TCP11L2: variants seen among roughly 807,000 people sequenced by gnomAD.
The protein encoded by TCP11L2 is T-complex protein 11-like protein 2.
Under a neutral mutation model 50.7 loss-of-function variants are expected in TCP11L2, and 39 were observed. That is an observed-to-expected ratio of 0.77 (90% confidence interval 0.60 to 1.01). The LOEUF (loss-of-function observed/expected upper bound fraction) is 1.01. Among genes scored for constraint, TCP11L2 ranks in the 50% least tolerant of loss-of-function variants. The pLI is 0.00. For missense variants in TCP11L2, 612 were observed against 614.7 expected (o/e 1.00, Z 0.05); for synonymous variants, 192 against 219.3 (o/e 0.88, Z 1.10).
At chr12:106,315,632 C>G (rs2035048257) in intron 3 of TCP11L2, among the ~76,000 whole-genome samples, 1 of 152,184 alleles carries the variant, frequency 6.6e-6, no homozygotes, top group South Asian at 2.1e-4. Flanking sequence ...CCTGAACTGT[C>G]AAAGTGCTAA....
chr12:106,336,121 C>A lies in TCP11L2; in HGVS notation c.1050C>A (p.Asn350Lys), dbSNP rs1475304177. ...TTGCCTGCCTGTCCCTAATTACCAACAACATGGTGGGTGCTATTACAGGAG... is the reference window on the plus strand; with the variant it reads ...TTGCCTGCCTGTCCCTAATTACCAAAAACATGGTGGGTGCTATTACAGGAG... ...KIIACLSLIT[N>K]NMVGAITGGL... Residue 350 changes from asparagine (N) to lysine (K), a missense_variant, in exon 8 of 10, where the codon AAC (asparagine) becomes AAA (lysine). By Grantham distance (94) the Asn-to-Lys change is moderately conservative. Coordinates refer to ENST00000299045, the MANE Select transcript of TCP11L2 (RefSeq NM_152772.3). The A allele has an allele frequency of 2.0e-5, 33 of 1,613,996 alleles. No individual in the cohort carries two copies. Among genetic ancestry groups the A allele is most frequent in the Non-Finnish European group, 2.7e-5 (32 of 1,180,014 alleles).
At chr12:106,311,704 C>A (rs1355869650) in intron 2 of TCP11L2, among the ~76,000 whole-genome samples, 1 of 152,078 alleles carries the variant, frequency 6.6e-6, no homozygotes, top group East Asian at 1.9e-4. Context: ...CAGGAAGGTA[C>A]CCACAAGGAG....
Position 106,312,431 on chromosome 12 carries a change from C to G in TCP11L2, c.157+1199C>G, listed in dbSNP as rs909756556. 2.5e-6 allele frequency: 3 copies of G among 1,209,824 alleles called. No individual in the cohort carries two copies. In the African/African-American group the frequency reaches 4.8e-5, roughly 19 times the overall value. The allele number at this position is 1,209,824 out of a possible 1,614,324, so 74.9% of individuals were successfully genotyped here. On this transcript the variant is annotated intron_variant, in intron 2 of 9. Transcript: ENST00000299045. The stretch of plus-strand genomic sequence containing the variant: ...GCAAAAGAAATTAACAGCAGCCACC[C>G]CAGGTTTCTGTGCCTTTTCTCACTC...
intron 6 of TCP11L2, chr12:106,325,888 C>T (rs968071863): frequency 2.0e-5 from 2 of 102,328 alleles, no homozygotes; most frequent in African/African-American, 8.2e-5. Context: ...AAGACTCCGT[C>T]TCGGAAAAAA....
intron 1 of TCP11L2, among the ~76,000 whole-genome samples, chr12:106,307,691 TGTCA>T (rs2034686995): frequency 6.6e-6 from 1 of 152,210 alleles, no homozygotes; most frequent in African/African-American, 2.4e-5. Flanking sequence ...GGTTTTTGTC[TGTCA>T]AACAAGTGCC....
chr12:106,346,377 T>C lies in TCP11L2; in HGVS notation c.1407T>C (p.Ile469=). 1 of 1,614,212 alleles carries C rather than the reference T, an allele frequency of 6.2e-7. No individual in the cohort carries two copies. Among genetic ancestry groups the C allele is most frequent in the Admixed American group, 1.7e-5 (1 of 60,026 alleles). ...CTATGCCAGGAGGCCTAGCTGTCATTCAGCAGGAGCTAGAAGCCCTAGGCT... is the reference window on the plus strand; with the variant it reads ...CTATGCCAGGAGGCCTAGCTGTCATCCAGCAGGAGCTAGAAGCCCTAGGCT... ...MPPMPGGLAV[I]QQELEALGSQ... Residue 469 remains isoleucine, a synonymous_variant, in exon 10 of 10, where the codon ATT becomes ATC. Coordinates refer to ENST00000299045, the MANE Select transcript of TCP11L2 (RefSeq NM_152772.3).
intron 8 of TCP11L2, among the ~76,000 whole-genome samples, chr12:106,338,969 C>T (rs976897384): frequency 2.0e-5 from 3 of 152,118 alleles, no homozygotes; most frequent in African/African-American, 7.2e-5. Context: ...GGCGAAACCC[C>T]GTCTCTACAA....
intron 2 of TCP11L2, among the ~76,000 whole-genome samples, chr12:106,312,988 G>A (rs2034918591): frequency 6.6e-6 from 1 of 152,174 alleles, no homozygotes. Flanking sequence ...ATTTTTAAAA[G>A]ACATGATTTA....
intron 5 of TCP11L2, among the ~76,000 whole-genome samples, chr12:106,322,292 C>T (rs535689311): frequency 6.6e-6 from 1 of 152,214 alleles, no homozygotes; most frequent in East Asian, 1.9e-4. Flanking sequence ...ATTCAGCTGG[C>T]AAATGGGAAA....
At chr12:106,302,183 T>C (rs1055697894), upstream of TCP11L2, among the ~76,000 whole-genome samples, 1 of 152,112 alleles carries the variant, frequency 6.6e-6, no homozygotes, top group Non-Finnish European at 1.5e-5. Context: ...GGGCACTCAA[T>C]GTTCCACGCG....
intron 1 of TCP11L2, among the ~76,000 whole-genome samples, chr12:106,306,364 C>G (rs1054411309): frequency 1.3e-5 from 2 of 152,210 alleles, no homozygotes; most frequent in Non-Finnish European, 2.9e-5. Context: ...TATTTTTTCT[C>G]TCTTGCATTT....
At chr12:106,339,182 G>C (rs758782303) in intron 8 of TCP11L2, among the ~76,000 whole-genome samples, 2 of 152,112 alleles carry the variant, frequency 1.3e-5, no homozygotes, top group Non-Finnish European at 2.9e-5. Context: ...ATTCAGACTG[G>C]TATGAGATGG....
chr12:106,318,329 A>G lies in TCP11L2; in HGVS notation c.294-15A>G, dbSNP rs2035179755. The G allele has an allele frequency of 6.2e-7, 1 of 1,608,188 alleles. No homozygotes were observed. The highest frequency in any genetic ancestry group is 1.7e-5 in the Admixed American group (1 of 59,336). On this transcript the variant is annotated splice_polypyrimidine_tract_variant and intron_variant, in intron 3 of 9. Transcript: ENST00000299045. ...TTATGCTTATTTTAAAAAACAATTC[A>G]TTTTATTGCCATAGTTTGGCTGGTC...
At chr12:106,341,164 A>G (rs1414442776) in intron 9 of TCP11L2, among the ~76,000 whole-genome samples, 166 bp downstream of exon 9, 1 of 152,226 alleles carries the variant, frequency 6.6e-6, no homozygotes, top group Non-Finnish European at 1.5e-5. Context: ...CCTAGGACTC[A>G]TTGCTGCTTC....
intron 6 of TCP11L2, chr12:106,324,177 G>A (rs989246943): frequency 1.3e-5 from 2 of 152,226 alleles, no homozygotes; most frequent in African/African-American, 2.4e-5. Context: ...TGGGTCAGAA[G>A]TGAGGACAGC....
At chr12:106,337,808 A>G (rs1255530948) in intron 8 of TCP11L2, among the ~76,000 whole-genome samples, 1 of 152,242 alleles carries the variant, frequency 6.6e-6, no homozygotes, top group Non-Finnish European at 1.5e-5. Flanking sequence ...GGCACGTAAT[A>G]TGTACTCAAT....
chr12:106,304,271 C>A (rs2034538430), intron 1 of TCP11L2: 1 of 152,322 alleles, frequency 6.6e-6, no homozygotes, highest in Admixed American at 6.5e-5. Flanking sequence ...GGGAGGAGTG[C>A]TTTCAAATGT....
At chr12:106,343,322 G>C (rs1367289096) in intron 9 of TCP11L2, among the ~76,000 whole-genome samples, 1 of 152,152 alleles carries the variant, frequency 6.6e-6, no homozygotes, top group East Asian at 1.9e-4. Context: ...GGCCTCTGAA[G>C]GTCAGGCAAC....
chr12:106,342,583 C>T (rs572998841), intron 9 of TCP11L2, among the ~76,000 whole-genome samples: 1 of 152,314 alleles, frequency 6.6e-6, no homozygotes, highest in East Asian at 1.9e-4. Flanking sequence ...GTGTGCAGGC[C>T]TCATGAGGAC....
Sources: gnomAD v4.1 joint callset for allele counts (sites outside exome capture counted in the v4.1 genomes callset) on GRCh38, gnomAD v4.1.1 for gene constraint, MANE v1.5 for transcripts, NCBI Gene and HGNC (gene_info 2026-07-23, HGNC 2026-07-21) for gene names.